CACNA2D2: variants seen among roughly 807,000 people sequenced by gnomAD.
The protein encoded by CACNA2D2 is voltage-dependent calcium channel subunit alpha-2/delta-2.
A neutral mutation model predicts 166.4 loss-of-function variants in CACNA2D2; 48 were observed. The observed-to-expected ratio is 0.29, with a 90% CI of 0.23 to 0.37. The LOEUF (loss-of-function observed/expected upper bound fraction) is 0.37, where lower values mean the gene tolerates loss of function less well. Ranked by LOEUF, CACNA2D2 falls within the 10% of genes least tolerant of loss-of-function variation. The probability of loss-of-function intolerance (pLI) is 1.00; values close to 1 mark genes in which losing one functional copy is unlikely to be tolerated. For missense variants in CACNA2D2, 1,122 were observed against 1,433.0 expected (o/e 0.78, Z 3.50); for synonymous variants, 561 against 573.7 (o/e 0.98, Z 0.32).
intron 2 of CACNA2D2, among the ~76,000 whole-genome samples, chr3:50,474,410 C>T (rs934034250): frequency 6.6e-6 from 1 of 152,184 alleles, no homozygotes; most frequent in African/African-American, 2.4e-5. Flanking sequence ...GAATGAGGAT[C>T]AGAGAGGATC....
At position 50,365,099 on chromosome 3, in the gene CACNA2D2, G is replaced by A. The variant is rs769566428; in HGVS notation, c.3184C>T (p.Arg1062Trp). The A allele has an allele frequency of 1.2e-6, 2 of 1,611,728 alleles. No individual in the cohort carries two copies. Among genetic ancestry groups the A allele is most frequent in the Non-Finnish European group, 8.5e-7 (1 of 1,179,626 alleles). ...KPLCSQCEAG[R>W]LLQKETHSDG... The stretch of plus-strand genomic sequence containing the variant: ...CAGTGCGTCTCCTTCTGCAGCAGCC[G>A]GCCAGCCTCGCACTGGCTGCACAGC... The change falls in exon 36 of 38, where the codon CGG (arginine) becomes TGG (tryptophan). Residue 1062 changes from arginine (R) to tryptophan (W), a missense_variant. Physicochemically the swap from Arg to Trp is moderately radical, Grantham distance 101 (BLOSUM62 -3). This residue lies in a region of CACNA2D2 where 282 missense variants were observed against 266.2 expected (regional missense o/e 1.06). Coordinates refer to ENST00000424201, the MANE Select transcript of CACNA2D2 (RefSeq NM_006030.4). The surrounding 1 kb of genome is among the most constrained non-coding windows in gnomAD (Gnocchi z 4.5).
intron 2 of CACNA2D2, among the ~76,000 whole-genome samples, chr3:50,453,038 G>A (rs191671970): frequency 3.3e-5 from 5 of 152,264 alleles, no homozygotes; most frequent in Admixed American, 3.3e-4. Context: ...TCTTTTCCCA[G>A]GAATATGACC....
intron 4 of CACNA2D2, among the ~76,000 whole-genome samples, chr3:50,388,671 G>T (rs767955792): frequency 2.6e-5 from 4 of 152,230 alleles, no homozygotes; most frequent in Non-Finnish European, 5.9e-5. Flanking sequence ...CTCACTCAGT[G>T]TGTGACCCCA....
chr3:50,406,099 T>C (rs1178564190), intron 3 of CACNA2D2, among the ~76,000 whole-genome samples: 1 of 151,810 alleles, frequency 6.6e-6, no homozygotes, highest in Non-Finnish European at 1.5e-5. Flanking sequence ...CCCCCTGGTC[T>C]GGGATCACAG....
intron 3 of CACNA2D2, among the ~76,000 whole-genome samples, chr3:50,405,923 G>C (rs1299042724): frequency 6.6e-6 from 1 of 152,100 alleles, no homozygotes; most frequent in African/African-American, 2.4e-5. Context: ...GACTTCCTAG[G>C]CCTGCCACTC....
chr3:50,370,184 C>A, intron 23 of CACNA2D2, 136 bp downstream of exon 23: 3 of 680,208 alleles, frequency 4.4e-6, no homozygotes, highest in South Asian at 3.4e-5. Flanking sequence ...GCCGCGCATA[C>A]CGGGCGATGT....
At chr3:50,502,890 C>T (rs1041669933) in intron 1 of CACNA2D2, among the ~76,000 whole-genome samples, 17 of 152,258 alleles carry the variant, frequency 1.1e-4, no homozygotes, top group Non-Finnish European at 4.4e-5. Flanking sequence ...CCGGGTTTCC[C>T]TCTCACCGGG....
At chr3:50,483,374 T>TC (rs1353780907) in intron 1 of CACNA2D2, among the ~76,000 whole-genome samples, 1 of 152,126 alleles carries the variant, frequency 6.6e-6, no homozygotes, top group Non-Finnish European at 1.5e-5. Context: ...CAAAGCCATC[T>TC]CTCTCGACCA....
intron 3 of CACNA2D2, among the ~76,000 whole-genome samples, chr3:50,411,526 G>A (rs917601886): frequency 2.0e-5 from 3 of 152,176 alleles, no homozygotes; most frequent in African/African-American, 7.2e-5. Flanking sequence ...GCTCCCAACC[G>A]ACTGTCCACC....
chr3:50,365,100 G>T lies in CACNA2D2; in HGVS notation c.3183C>A (p.Gly1061=). 6.2e-7 allele frequency: 1 copy of T among 1,611,794 alleles called. No individual in the cohort carries two copies. Residue 1061 remains glycine, a synonymous_variant, in exon 36 of 38, where the codon GGC becomes GGA. Transcript: ENST00000424201. The surrounding 1 kb of genome is among the most constrained non-coding windows in gnomAD (Gnocchi z 4.5). ...AGTGCGTCTCCTTCTGCAGCAGCCGGCCAGCCTCGCACTGGCTGCACAGCG... is the reference window on the plus strand; with the variant it reads ...AGTGCGTCTCCTTCTGCAGCAGCCGTCCAGCCTCGCACTGGCTGCACAGCG... ...EKPLCSQCEA[G]RLLQKETHSD...
intron 2 of CACNA2D2, among the ~76,000 whole-genome samples, chr3:50,438,499 C>T (rs529754128): frequency 1.8e-4 from 28 of 152,274 alleles, no homozygotes; most frequent in Middle Eastern, 6.8e-3. Context: ...CCCATGGCTC[C>T]GTGTAAGTGG....
At chr3:50,443,298 T>C (rs1488731866) in intron 2 of CACNA2D2, among the ~76,000 whole-genome samples, 2 of 152,304 alleles carry the variant, frequency 1.3e-5, no homozygotes, top group East Asian at 3.9e-4. Flanking sequence ...TGCCTCCCCA[T>C]CCAGTTGGCC....
Position 50,367,891 on chromosome 3 carries a change from G to A in CACNA2D2, c.2155C>T (p.Leu719Phe), listed in dbSNP as rs998005566. 1 of 1,463,008 alleles carries A rather than the reference G, an allele frequency of 6.8e-7. No individual in the cohort carries two copies. The highest frequency in any genetic ancestry group is 9.4e-7 in the Non-Finnish European group (1 of 1,058,714). The allele number at this position is 1,463,008 out of a possible 1,614,324, so 90.6% of individuals were successfully genotyped here. A position where few individuals can be genotyped will look rare whatever the true frequency, so the allele number is the denominator to read the frequency against. Residue 719 changes from leucine to phenylalanine, a missense_variant, in exon 25 of 38, where the codon CTT becomes TTT. Coordinates refer to ENST00000424201, the MANE Select transcript of CACNA2D2 (RefSeq NM_006030.4). This position sits in a 1 kb window ranked among gnomAD's most constrained non-coding sequence, Gnocchi z 6.5. The stretch of plus-strand genomic sequence containing the variant: ...GTGTCCAAGATCAGGTTGTGCAGAA[G>A]GAAGTTGTTGCCTGGAACAGGAGGG... ...TPDSKQCNNF[L>F]LHNLILDTGI...
At chr3:50,486,404 A>C (rs1698282858) in intron 1 of CACNA2D2, among the ~76,000 whole-genome samples, 2 of 148,560 alleles carry the variant, frequency 1.3e-5, no homozygotes, top group African/African-American at 2.5e-5. Context: ...CATCCTCCCC[A>C]CCCCCCAGCA....
At chr3:50,389,120 C>A (rs1705758773) in intron 4 of CACNA2D2, among the ~76,000 whole-genome samples, 1 of 152,232 alleles carries the variant, frequency 6.6e-6, no homozygotes, top group Non-Finnish European at 1.5e-5. Flanking sequence ...CCACCACCCA[C>A]CCACCAGTGC....
At chr3:50,484,814 G>C (rs1232423956) in intron 1 of CACNA2D2, among the ~76,000 whole-genome samples, 1 of 152,228 alleles carries the variant, frequency 6.6e-6, no homozygotes, top group African/African-American at 2.4e-5. Context: ...TGGAAGAACA[G>C]GCCATTTGCT....
At chr3:50,397,988 G>A (rs1404783687) in intron 3 of CACNA2D2, among the ~76,000 whole-genome samples, 4 of 152,140 alleles carry the variant, frequency 2.6e-5, no homozygotes, top group African/African-American at 7.2e-5. Flanking sequence ...GGGAGACCGT[G>A]CCCACCCTGC....
At position 50,376,646 on chromosome 3, in the gene CACNA2D2, G is replaced by A. The variant is rs1705014620; in HGVS notation, c.1627-458C>T. On this transcript the variant is annotated intron_variant, in intron 17 of 37. Coordinates refer to ENST00000424201, the MANE Select transcript of CACNA2D2 (RefSeq NM_006030.4). The surrounding 1 kb of genome is among the most constrained non-coding windows in gnomAD (Gnocchi z 4.3). ...CCTGGGGCTTCCCTTCCAGGTGGAA[G>A]GGAAGTAGGAGTAAGTGGGACCTGG... is the stretch of plus-strand genomic sequence containing the variant. Among the ~76,000 whole-genome samples the A allele has an allele frequency of 6.6e-6, 1 of 152,188 alleles. No individual in the cohort carries two copies. Among genetic ancestry groups the A allele is most frequent in the African/African-American group, 2.4e-5 (1 of 41,438 alleles).
At chr3:50,396,105 C>T (rs765151335) in intron 3 of CACNA2D2, among the ~76,000 whole-genome samples, 1 of 152,104 alleles carries the variant, frequency 6.6e-6, no homozygotes, top group Non-Finnish European at 1.5e-5. Context: ...CTCCGTGATG[C>T]CTCCCATGTC....
Sources: gnomAD v4.1 joint callset for allele counts (sites outside exome capture counted in the v4.1 genomes callset) on GRCh38, gnomAD v4.1.1 for gene constraint, gnomAD v4.1.1 regional missense constraint, Gnocchi (gnomAD v3.1) non-coding constraint, MANE v1.5 for transcripts, NCBI Gene and HGNC (gene_info 2026-07-23, HGNC 2026-07-21) for gene names.